PDE4D: variants seen among roughly 807,000 people sequenced by gnomAD.
PDE4D encodes the protein 3',5'-cyclic-AMP phosphodiesterase 4D.
Under a neutral mutation model 87.4 loss-of-function variants are expected in PDE4D, and 24 were observed. That is an observed-to-expected ratio of 0.27 (90% confidence interval 0.20 to 0.39). The LOEUF (loss-of-function observed/expected upper bound fraction) is 0.39. Among genes scored for constraint, PDE4D ranks in the 10% least tolerant of loss-of-function variants. PDE4D has a pLI of 1.00. For synonymous variants in PDE4D, 384 were observed against 383.2 expected (o/e 1.00, Z -0.02); for missense variants, 714 against 1,041.0 (o/e 0.69, Z 4.32).
intron 1 of PDE4D, among the ~76,000 whole-genome samples, chr5:60,453,942 T>C (rs1019869163): frequency 5.9e-5 from 9 of 152,200 alleles, no homozygotes; most frequent in South Asian, 2.1e-4. Flanking sequence ...CTGTAACTTA[T>C]GATGGCTTAT....
intron 1 of PDE4D, among the ~76,000 whole-genome samples, chr5:60,519,577 A>C (rs763036181): frequency 3.3e-5 from 5 of 152,144 alleles, no homozygotes; most frequent in Non-Finnish European, 7.4e-5. Context: ...CATAGTGTAC[A>C]TGACTGATCT....
intron 1 of PDE4D, among the ~76,000 whole-genome samples, chr5:59,242,074 A>G (rs1288487930): frequency 6.6e-6 from 1 of 152,140 alleles, no homozygotes; most frequent in Non-Finnish European, 1.5e-5. Context: ...AATTTTCTAT[A>G]TATGTATGTC....
intron 2 of PDE4D, among the ~76,000 whole-genome samples, chr5:59,202,538 G>T (rs2153495606): frequency 6.6e-6 from 1 of 151,818 alleles, no homozygotes; most frequent in South Asian, 2.1e-4. Flanking sequence ...CTTAAAGCAG[G>T]TTAGAATTTT....
At chr5:59,032,486 G>A (rs1757738478) in intron 6 of PDE4D, among the ~76,000 whole-genome samples, 1 of 152,174 alleles carries the variant, frequency 6.6e-6, no homozygotes, top group Non-Finnish European at 1.5e-5. Context: ...GGCTGAGGCA[G>A]GAGAATTGCT....
At chr5:60,022,484 A>G (rs1039825400) in intron 2 of PDE4D, 1 of 152,158 alleles carries the variant, frequency 6.6e-6, no homozygotes, top group African/African-American at 2.4e-5. Flanking sequence ...CAATTTTTAA[A>G]ATGTGAAAAC....
chr5:60,125,522 G>C, intron 2 of PDE4D, among the ~76,000 whole-genome samples: 1 of 151,092 alleles, frequency 6.6e-6, no homozygotes, highest in East Asian at 1.9e-4. Context: ...TCCAGAGGTT[G>C]TACTGACTGC....
At chr5:59,363,898 T>C (rs1209513912) in intron 1 of PDE4D, among the ~76,000 whole-genome samples, 1 of 152,126 alleles carries the variant, frequency 6.6e-6, no homozygotes, top group Non-Finnish European at 1.5e-5. Context: ...AGAGTATAGT[T>C]CAGCTTGAGG....
chr5:60,512,426 T>C (rs1750618330), intron 1 of PDE4D, among the ~76,000 whole-genome samples: 1 of 152,172 alleles, frequency 6.6e-6, no homozygotes, highest in South Asian at 2.1e-4. Context: ...TTGATTCCTT[T>C]GATCATCTGC....
chr5:59,276,023 G>T (rs1764725760), intron 1 of PDE4D: 1 of 982,306 alleles, frequency 1.0e-6, no homozygotes, highest in African/African-American at 1.8e-5. Context: ...TTTTGTGAAT[G>T]AGAACTATCA....
intron 1 of PDE4D, among the ~76,000 whole-genome samples, chr5:59,281,800 G>T (rs153949): frequency 0.66 from 100,588 of 152,000 alleles, 34,591 homozygotes; most frequent in African/African-American, 0.85. Context: ...TCTTATATAG[G>T]GGAATCACAA....
At chr5:60,406,355 A>G (rs1474461228) in intron 1 of PDE4D, among the ~76,000 whole-genome samples, 1 of 152,168 alleles carries the variant, frequency 6.6e-6, no homozygotes, top group Non-Finnish European at 1.5e-5. Flanking sequence ...TGCTATCCCA[A>G]ACTCTTTCAA....
At chr5:60,090,338 G>A (rs1322019053) in intron 2 of PDE4D, among the ~76,000 whole-genome samples, 1 of 152,088 alleles carries the variant, frequency 6.6e-6, no homozygotes, top group Admixed American at 6.5e-5. Flanking sequence ...TTATGACCAA[G>A]TGGGATTTAT....
intron 2 of PDE4D, among the ~76,000 whole-genome samples, chr5:60,177,382 T>C (rs1582975913): frequency 6.6e-6 from 1 of 152,252 alleles, no homozygotes; most frequent in Non-Finnish European, 1.5e-5. Flanking sequence ...ACAGCTCTTA[T>C]CAGCAACATA....
intron 2 of PDE4D, among the ~76,000 whole-genome samples, chr5:60,108,185 A>G (rs1213788115): frequency 6.6e-6 from 1 of 151,860 alleles, no homozygotes; most frequent in East Asian, 1.9e-4. Flanking sequence ...ATCAATGTAC[A>G]AAAATCACAA....
intron 1 of PDE4D, among the ~76,000 whole-genome samples, chr5:59,715,098 T>A (rs923564218): frequency 1.3e-5 from 2 of 152,248 alleles, no homozygotes; most frequent in African/African-American, 4.8e-5. Context: ...TTCGGGCTCA[T>A]GAGAGCATGG....
chr5:60,221,537 G>A (rs1744498200), intron 1 of PDE4D, among the ~76,000 whole-genome samples: 1 of 151,874 alleles, frequency 6.6e-6, no homozygotes, highest in Non-Finnish European at 1.5e-5. Flanking sequence ...TAAGTGTACT[G>A]TTGAGTTGAT....
intron 1 of PDE4D, among the ~76,000 whole-genome samples, chr5:59,281,454 T>C (rs1765782830): frequency 6.6e-6 from 1 of 152,184 alleles, no homozygotes. Context: ...CAATTTTCTA[T>C]GTTTATCTAA....
intron 1 of PDE4D, among the ~76,000 whole-genome samples, chr5:59,667,659 G>A (rs146928074): frequency 2.0e-5 from 3 of 152,092 alleles, no homozygotes; most frequent in East Asian, 1.9e-4. Context: ...TTTTTCAAGC[G>A]CCATATTAGT....
chr5:59,188,551 T>TA (rs971101748), intron 3 of PDE4D, among the ~76,000 whole-genome samples: 10 of 150,732 alleles, frequency 6.6e-5, no homozygotes, highest in South Asian at 4.2e-4. Flanking sequence ...CATCATAGCC[T>TA]AAAAAAAAAG....
Sources: allele counts gnomAD v4.1 joint callset (sites outside exome capture counted in the v4.1 genomes callset), GRCh38; gene constraint gnomAD v4.1.1; transcripts MANE v1.5; gene names NCBI Gene and HGNC (gene_info 2026-07-23, HGNC 2026-07-21).